LRCH2: variants seen among roughly 807,000 people sequenced by gnomAD.
LRCH2 encodes the protein leucine rich repeats and calponin homology domain containing 2, also known as leucine-rich repeat and calponin homology domain-containing protein 2.
A neutral mutation model predicts 68.9 loss-of-function variants in LRCH2; 38 were observed. That is an observed-to-expected ratio of 0.55 (90% CI 0.43 to 0.72). The LOEUF (loss-of-function observed/expected upper bound fraction) is 0.72, where lower values mean the gene tolerates loss of function less well. LRCH2 is among the 30% of genes least tolerant of loss of function. The probability of loss-of-function intolerance (pLI) is 0.00; values close to 1 mark genes in which losing one functional copy is unlikely to be tolerated. For synonymous variants in LRCH2, 191 were observed against 208.1 expected (o/e 0.92, Z 0.71); for missense variants, 528 against 572.9 (o/e 0.92, Z 0.80).
intron 2 of LRCH2, among the ~76,000 whole-genome samples, chrX:115,187,648 G>C (rs2072743439): frequency 8.9e-6 from 1 of 112,035 alleles, no homozygotes; most frequent in African/African-American, 3.2e-5. Context: ...GGTAATATGG[G>C]TAAAGCGTTT....
At chrX:115,140,609 C>A (rs2072328434) in intron 14 of LRCH2, among the ~76,000 whole-genome samples, 1 of 110,691 alleles carries the variant, frequency 9.0e-6, no homozygotes, top group Admixed American at 9.6e-5. Context: ...CTGCCCCAAG[C>A]CAGAATTCAG....
chrX:115,209,050 C>A (rs1556569137), intron 1 of LRCH2, among the ~76,000 whole-genome samples: 1 of 112,115 alleles, frequency 8.9e-6, no homozygotes, highest in African/African-American at 3.2e-5. Context: ...GAATTGTCTG[C>A]TTGAAGGAAC....
chrX:115,154,671 G>T (rs1000581303), intron 12 of LRCH2, among the ~76,000 whole-genome samples: 1 of 111,488 alleles, frequency 9.0e-6, no homozygotes, highest in Non-Finnish European at 1.9e-5. Context: ...GATATAATTT[G>T]TTCTTTTTAG....
chrX:115,197,847 T>TCTCTCTCACACA lies in LRCH2; in HGVS notation c.350-9478_350-9477insTGTGTGAGAGAG, dbSNP rs782358260. 3.3e-3 allele frequency among the ~76,000 whole-genome samples: 68 copies of TCTCTCTCACACA among 20,562 alleles called. 6 individuals are homozygous for TCTCTCTCACACA. Among genetic ancestry groups the TCTCTCTCACACA allele is most frequent in the Non-Finnish European group, 4.7e-3 (57 of 12,184 alleles). 17.9% of individuals were successfully genotyped at this position (20,562 alleles called of 115,157 possible). A position where few individuals can be genotyped will look rare whatever the true frequency, so the allele number is the denominator to read the frequency against. On this transcript the variant is annotated intron_variant, in intron 1 of 20. Coordinates refer to ENST00000317135, the MANE Select transcript of LRCH2 (RefSeq NM_020871.4). ...CTCTCTCTCTCTCTCTCTCTCTCTC[T>TCTCTCTCACACA]CACACACACACACACACACACACAC...
At chrX:115,207,055 A>G (rs2072973288) in intron 1 of LRCH2, among the ~76,000 whole-genome samples, 1 of 111,831 alleles carries the variant, frequency 8.9e-6, no homozygotes, top group Non-Finnish European at 1.9e-5. Flanking sequence ...TAAAATGTTT[A>G]TCTTGTGATA....
chrX:115,166,115 T>C (rs1406628258), intron 7 of LRCH2, 140 bp downstream of exon 7: 2 of 632,000 alleles, frequency 3.2e-6, no homozygotes, highest in Middle Eastern at 4.4e-4. Flanking sequence ...AAAATCAGCA[T>C]GCCCTTTTTT....
At chrX:115,195,729 C>G (rs1008692832) in intron 1 of LRCH2, among the ~76,000 whole-genome samples, 1 of 111,331 alleles carries the variant, frequency 9.0e-6, no homozygotes, top group Non-Finnish European at 1.9e-5. Context: ...GGCAATGAAT[C>G]CCTAAGAGAG....
chrX:115,181,899 G>GA (rs1394920025), intron 3 of LRCH2, among the ~76,000 whole-genome samples: 1 of 108,206 alleles, frequency 9.2e-6, no homozygotes, highest in African/African-American at 3.4e-5. Flanking sequence ...AAATATTCAG[G>GA]AAAAAAAAAG....
Position 115,154,995 on chromosome X carries a change from C to T in LRCH2, c.1529+1607G>A, listed in dbSNP as rs1418157116. Among the ~76,000 whole-genome samples, 94 of 93,278 alleles carry T rather than the reference C, an allele frequency of 1.0e-3. 1 individual carries two copies. The highest frequency in any genetic ancestry group is 3.4e-3 in the African/African-American group (86 of 25,151). The allele number at this position is 93,278 out of a possible 115,157, so 81.0% of individuals were successfully genotyped here. ...GGCCAACATGGTGAAATCTCATCTCCGCGCCACTGCACTCCAGCCTGGGCG... is the reference window on the plus strand; with the variant it reads ...GGCCAACATGGTGAAATCTCATCTCTGCGCCACTGCACTCCAGCCTGGGCG... On this transcript the variant is annotated intron_variant, in intron 12 of 20. Coordinates refer to ENST00000317135, the MANE Select transcript of LRCH2 (RefSeq NM_020871.4).
intron 1 of LRCH2, among the ~76,000 whole-genome samples, chrX:115,216,183 C>T (rs1375482180): frequency 1.8e-5 from 2 of 111,552 alleles, no homozygotes; most frequent in Admixed American, 9.6e-5. Flanking sequence ...TGGAAATATG[C>T]TCACAGTATA....
chrX:115,181,828 AAC>A (rs2072693708), intron 3 of LRCH2, among the ~76,000 whole-genome samples: 1 of 112,066 alleles, frequency 8.9e-6, no homozygotes, highest in Admixed American at 9.5e-5. Context: ...TAAATTAAAA[AAC>A]AGTTGGTCCT....
chrX:115,165,972 A>C lies in LRCH2; in HGVS notation c.1087-20T>G, dbSNP rs1556544768. On this transcript the variant is annotated intron_variant, in intron 7 of 20. Transcript: ENST00000317135. ...TGATGGCTAAAAGGAATAAGCAAAA[A>C]GTACAAATGAGGCATTTTAAACTTA... The C allele has an allele frequency of 9.7e-7, 1 of 1,030,568 alleles. No homozygotes were observed. Among genetic ancestry groups the C allele is most frequent in the South Asian group, 2.1e-5 (1 of 47,508 alleles). 84.9% of individuals were successfully genotyped at this position (1,030,568 alleles called of 1,213,427 possible). A position where few individuals can be genotyped will look rare whatever the true frequency, so the allele number is the denominator to read the frequency against.
intron 5 of LRCH2, among the ~76,000 whole-genome samples, chrX:115,174,035 G>C (rs1398012490): frequency 8.9e-6 from 1 of 111,778 alleles, no homozygotes. Context: ...TCAACAGTAG[G>C]CTATTAGCAG....
chrX:115,138,554 T>C (rs1195727455), intron 14 of LRCH2, among the ~76,000 whole-genome samples: 1 of 111,156 alleles, frequency 9.0e-6, no homozygotes, highest in Non-Finnish European at 1.9e-5. Flanking sequence ...AGATACTACT[T>C]TTTCTTCCCT....
chrX:115,145,105 C>T (rs1227211516), intron 14 of LRCH2, among the ~76,000 whole-genome samples: 2 of 111,537 alleles, frequency 1.8e-5, no homozygotes, highest in African/African-American at 6.5e-5. Context: ...GACACACAGA[C>T]CAATGGAACA....
chrX:115,119,787 A>C (rs1556525239), intron 20 of LRCH2, among the ~76,000 whole-genome samples: 1 of 99,496 alleles, frequency 1.0e-5, no homozygotes, highest in African/African-American at 3.7e-5. Context: ...AGGCTACAGT[A>C]ACCAAAACAG....
chrX:115,115,281 C>A (rs1556523728), intron 20 of LRCH2, among the ~76,000 whole-genome samples: 1 of 110,685 alleles, frequency 9.0e-6, no homozygotes, highest in African/African-American at 3.3e-5. Flanking sequence ...ATGTGGAAGA[C>A]TCACACTTCT....
In LRCH2 at chrX:115,233,677, C is replaced by G. The variant is rs1556579123; in HGVS notation, c.349+16G>C. The G allele has an allele frequency of 8.9e-7, 1 of 1,126,810 alleles. No homozygotes were observed. 92.9% of individuals were successfully genotyped at this position (1,126,810 alleles called of 1,213,427 possible). Reference sequence around the variant, plus strand: ...TCCTCCTTCACAGCCAGCTTCCCCTCCCCCCGTCCTGTCACCTGCTTGGGT... The same window carrying G: ...TCCTCCTTCACAGCCAGCTTCCCCTGCCCCCGTCCTGTCACCTGCTTGGGT... On this transcript the variant is annotated intron_variant, in intron 1 of 20. Transcript: ENST00000317135.
intron 5 of LRCH2, among the ~76,000 whole-genome samples, chrX:115,176,180 T>A (rs1392901961): frequency 1.8e-5 from 2 of 112,543 alleles, no homozygotes; most frequent in Non-Finnish European, 3.8e-5. Flanking sequence ...TACAGATGTA[T>A]ACCCAGAGGT....
Sources: allele counts gnomAD v4.1 joint callset (sites outside exome capture counted in the v4.1 genomes callset), GRCh38; gene constraint gnomAD v4.1.1; transcripts MANE v1.5; gene names NCBI Gene and HGNC (gene_info 2026-07-23, HGNC 2026-07-21).